CEP170: variants seen among roughly 807,000 people sequenced by gnomAD.
CEP170 encodes the protein centrosomal protein 170, also known as centrosomal protein of 170 kDa.
Under a neutral mutation model 151.9 loss-of-function variants are expected in CEP170, and 21 were observed. That is an observed-to-expected ratio of 0.14 (90% CI 0.10 to 0.20). The LOEUF is 0.20. Ranked by LOEUF, CEP170 falls within the 10% of genes least tolerant of loss-of-function variation. The pLI is 1.00. For missense variants in CEP170, 964 were observed against 1,892.9 expected, an observed-to-expected ratio of 0.51 and a Z score of 9.11; for synonymous variants, 356 against 648.8, an observed-to-expected ratio of 0.55 and a Z score of 6.86.
chr1:243,218,824 G>A (rs899817120), intron 3 of CEP170, among the ~76,000 whole-genome samples: 4 of 152,112 alleles, frequency 2.6e-5, no homozygotes, highest in African/African-American at 4.8e-5. Context: ...CAACCTGTGA[G>A]TACCATTTTA....
chr1:243,161,296 T>A (rs2058046022), intron 13 of CEP170, among the ~76,000 whole-genome samples: 1 of 138,478 alleles, frequency 7.2e-6, no homozygotes. Context: ...AGAGCAAGAG[T>A]CCGTCTCAAA....
Position 243,185,141 on chromosome 1 carries a change from C to A in CEP170, c.1566+638G>T, listed in dbSNP as rs2059862185. Among the ~76,000 whole-genome samples the A allele has an allele frequency of 6.6e-6, 1 of 152,298 alleles. No individual in the cohort carries two copies. Among genetic ancestry groups the A allele is most frequent in the Admixed American group, 6.5e-5 (1 of 15,294 alleles). On this transcript the variant is annotated intron_variant, in intron 10 of 19. Coordinates refer to ENST00000366542, the MANE Select transcript of CEP170 (RefSeq NM_014812.3). The surrounding 1 kb of genome is among the most constrained non-coding windows in gnomAD (Gnocchi z 4.9). ...ATTGCTTTTTAAACCATGCAACAAT[C>A]CTTACACACGCTAACCAATAATATC...
rs548774678 is a variant in CEP170 at position 243,217,828 on chromosome 1, C to T, written c.195+3896G>A. ...AGACCTGGTGGTGAGGAAAATGAGG[C>T]AAAGAGAATGAAGTAATCATCAAGA... is the stretch of plus-strand genomic sequence containing the variant. On this transcript the variant is annotated intron_variant, in intron 3 of 19. Transcript: ENST00000366542. Among the ~76,000 whole-genome samples the T allele has an allele frequency of 7.2e-5, 11 of 152,190 alleles. No individual in the cohort carries two copies. The South Asian group carries it at 2.1e-3, about 29-fold the overall frequency.
chr1:243,224,771 A>G (rs748046382), intron 2 of CEP170, among the ~76,000 whole-genome samples: 4 of 152,208 alleles, frequency 2.6e-5, no homozygotes, highest in Non-Finnish European at 4.4e-5. Context: ...AATTGTCAAC[A>G]ATCTTCACTT....
chr1:243,129,764 C>T (rs931546201), intron 17 of CEP170, among the ~76,000 whole-genome samples: 2 of 151,846 alleles, frequency 1.3e-5, no homozygotes, highest in Non-Finnish European at 2.9e-5. Context: ...ATTTACAATA[C>T]AGTAATGCCC....
At chr1:243,170,189 C>T (rs2058727878) in intron 11 of CEP170, among the ~76,000 whole-genome samples, 1 of 151,038 alleles carries the variant, frequency 6.6e-6, no homozygotes, top group East Asian at 2.0e-4. Context: ...AGATCGAGAC[C>T]ACCCTGGCCA....
chr1:243,185,916 T>G lies in CEP170; in HGVS notation c.1429A>C (p.Lys477Gln), dbSNP rs1489181466. ...GAAGTTGCTTGATTTTTTAACATTT[T>G]ATCCATCTCCTGGCTTGGTCTGTGC... ...LGHRPSQEMDKMLKNQATSAT... is the reference protein window; with the variant it reads ...LGHRPSQEMDQMLKNQATSAT... The change falls in exon 10 of 20, where the codon AAA becomes CAA. Residue 477 changes from lysine (K) to glutamine (Q), a missense_variant. Physicochemically the swap from Lys to Gln is moderately conservative, Grantham distance 53. Coordinates refer to ENST00000366542, the MANE Select transcript of CEP170 (RefSeq NM_014812.3). The surrounding 1 kb of genome is among the most constrained non-coding windows in gnomAD (Gnocchi z 4.9). 2.5e-6 allele frequency: 4 copies of G among 1,613,814 alleles called. No homozygotes were observed. The South Asian group carries it at 3.3e-5, about 13-fold the overall frequency.
At chr1:243,221,655 A>C in intron 3 of CEP170, 69 bp downstream of exon 3, 1 of 1,414,816 alleles carries the variant, frequency 7.1e-7, no homozygotes, top group East Asian at 2.4e-5. Context: ...TAGGAAATGT[A>C]ATCTGATTTT....
chr1:243,202,768 C>G (rs1298758050), intron 4 of CEP170, among the ~76,000 whole-genome samples: 3 of 151,982 alleles, frequency 2.0e-5, no homozygotes, highest in African/African-American at 7.2e-5. Context: ...TCATAAACAG[C>G]TAGAGAAAAT....
chr1:243,132,190 G>A (rs2054502368), intron 17 of CEP170, among the ~76,000 whole-genome samples: 1 of 152,192 alleles, frequency 6.6e-6, no homozygotes, highest in Non-Finnish European at 1.5e-5. Context: ...AAGACCAGTT[G>A]ATTCTCAAAC....
At chr1:243,210,073 G>A (rs2061680989) in intron 4 of CEP170, among the ~76,000 whole-genome samples, 1 of 152,152 alleles carries the variant, frequency 6.6e-6, no homozygotes, top group African/African-American at 2.4e-5. Flanking sequence ...AACACTAAGT[G>A]CACAACTCTG....
At chr1:243,156,076 A>G in intron 14 of CEP170, 145 bp downstream of exon 14, 1 of 1,183,906 alleles carries the variant, frequency 8.4e-7, no homozygotes, top group Non-Finnish European at 1.1e-6. Context: ...AGAGAGTAAT[A>G]CTACTGACTA....
chr1:243,210,330 A>G (rs974951549), intron 4 of CEP170, among the ~76,000 whole-genome samples: 9 of 152,316 alleles, frequency 5.9e-5, no homozygotes, highest in South Asian at 2.1e-4. Flanking sequence ...CAAATGGATT[A>G]AAGGAGGTAT....
At chr1:243,209,476 T>G (rs4614242) in intron 4 of CEP170, among the ~76,000 whole-genome samples, 120,482 of 152,070 alleles carry the variant, frequency 0.79, 48,577 homozygotes, top group East Asian at 0.93. Flanking sequence ...TGTGAGCCAC[T>G]GCGCCCAGCC....
intron 10 of CEP170, among the ~76,000 whole-genome samples, chr1:243,177,647 A>C (rs2148660395): frequency 6.6e-6 from 1 of 152,326 alleles, no homozygotes; most frequent in South Asian, 2.1e-4. Context: ...AATTCTAGCC[A>C]CTAGTGTCAA....
At chr1:243,160,454 T>C (rs1170743613) in intron 13 of CEP170, among the ~76,000 whole-genome samples, 3 of 152,204 alleles carry the variant, frequency 2.0e-5, no homozygotes, top group Non-Finnish European at 4.4e-5. Context: ...CCCTCTTGTG[T>C]TGTAGTACTA....
At chr1:243,242,963 G>A (rs1476971260) in intron 1 of CEP170, among the ~76,000 whole-genome samples, 1 of 152,240 alleles carries the variant, frequency 6.6e-6, no homozygotes. Context: ...GCCTGCCAAA[G>A]TGCTAGCTTT....
At chr1:243,160,263 A>T (rs2057958110) in intron 13 of CEP170, among the ~76,000 whole-genome samples, 1 of 152,222 alleles carries the variant, frequency 6.6e-6, no homozygotes. Context: ...TGATGGGTTG[A>T]TATTACTAAG....
Position 243,186,467 on chromosome 1 carries a change from AT to A in CEP170, c.1109-46del. On this transcript the variant is annotated intron_variant, in intron 8 of 19. Transcript: ENST00000366542. ...ACACAATAGAGAAGGAAAAAGTCCCATGTAGAAATTTAGAAGCATATACAAA... is the reference window on the plus strand; with the variant it reads ...ACACAATAGAGAAGGAAAAAGTCCCAGTAGAAATTTAGAAGCATATACAAA... The A allele has an allele frequency of 1.9e-6, 3 of 1,539,220 alleles. No individual in the cohort carries two copies. The South Asian group carries it at 3.9e-5, about 20-fold the overall frequency.
Sources: gnomAD v4.1 joint callset for allele counts (sites outside exome capture counted in the v4.1 genomes callset) on GRCh38, gnomAD v4.1.1 for gene constraint, Gnocchi (gnomAD v3.1) non-coding constraint, MANE v1.5 for transcripts, NCBI Gene and HGNC (gene_info 2026-07-23, HGNC 2026-07-21) for gene names.